The following ADGRG6 variants were observed in gnomAD, a reference collection of about 807,000 sequenced individuals.
ADGRG6 encodes G-protein coupled receptor 126.
A neutral mutation model predicts 142.4 loss-of-function variants in ADGRG6; 84 were observed. The ratio of observed to expected loss-of-function variants is 0.59; its 90% CI spans 0.49 to 0.71. ADGRG6 has a LOEUF of 0.71. ADGRG6 is among the 30% of genes least tolerant of loss of function. ADGRG6 has a pLI of 0.00. For missense variants in ADGRG6, 1,367 were observed against 1,466.6 expected (o/e 0.93, Z 1.11); for synonymous variants, 521 against 520.5 (o/e 1.00, Z -0.01).
chr6:142,397,535 C>A, intron 9 of ADGRG6, 78 bp from the exon 10 acceptor site: 1 of 1,368,158 alleles, frequency 7.3e-7, no homozygotes, highest in Non-Finnish European at 1.0e-6. Flanking sequence ...CCTCTACATC[C>A]AAATACTCTG....
chr6:142,443,039 T>A (rs987059680), intron 24 of ADGRG6, among the ~76,000 whole-genome samples: 9 of 152,190 alleles, frequency 5.9e-5, no homozygotes, highest in African/African-American at 2.2e-4. Flanking sequence ...TGCATGTTTT[T>A]TTGAAGTGGT....
At chr6:142,353,666 TTAA>T (rs1232111811) in intron 2 of ADGRG6, among the ~76,000 whole-genome samples, 1 of 152,192 alleles carries the variant, frequency 6.6e-6, no homozygotes, top group Non-Finnish European at 1.5e-5. Flanking sequence ...TTGATCTAAC[TTAA>T]TGAGATTTCA....
At chr6:142,391,422 G>C (rs1774890003) in intron 7 of ADGRG6, among the ~76,000 whole-genome samples, 1 of 145,654 alleles carries the variant, frequency 6.9e-6, no homozygotes, top group Non-Finnish European at 1.5e-5. Flanking sequence ...CGCATTGAGA[G>C]GAAGTGGTAG....
chr6:142,407,023 C>T (rs989847704), intron 15 of ADGRG6, among the ~76,000 whole-genome samples: 6 of 151,900 alleles, frequency 3.9e-5, no homozygotes, highest in African/African-American at 1.5e-4. Flanking sequence ...TGGTATTTCT[C>T]TACCAAAGTT....
At chr6:142,434,172 TAATA>T (rs200595547) in intron 22 of ADGRG6, among the ~76,000 whole-genome samples, 14 of 150,526 alleles carry the variant, frequency 9.3e-5, no homozygotes, top group East Asian at 3.9e-4. Flanking sequence ...ATAAATTATA[TAATA>T]AATAAAATCA....
At chr6:142,345,027 C>G (rs1779824249) in intron 2 of ADGRG6, among the ~76,000 whole-genome samples, 1 of 151,894 alleles carries the variant, frequency 6.6e-6, no homozygotes, top group Non-Finnish European at 1.5e-5. Flanking sequence ...CCAACCAGCC[C>G]AATAAAGGTC....
At chr6:142,334,581 T>C (rs1779221479) in intron 2 of ADGRG6, among the ~76,000 whole-genome samples, 1 of 152,186 alleles carries the variant, frequency 6.6e-6, no homozygotes, top group Non-Finnish European at 1.5e-5. Context: ...AACAGTGGAA[T>C]GGCTTTTTCC....
At chr6:142,334,130 G>A (rs965241267) in intron 2 of ADGRG6, among the ~76,000 whole-genome samples, 1 of 152,104 alleles carries the variant, frequency 6.6e-6, no homozygotes, top group African/African-American at 2.4e-5. Context: ...CCCAAGATAT[G>A]AATGTTCAAC....
Position 142,443,574 on chromosome 6 carries a change from C to A in ADGRG6, c.*59C>A. The A allele has an allele frequency of 1.8e-6, 2 of 1,130,982 alleles. No homozygotes were observed. Among genetic ancestry groups the A allele is most frequent in the Non-Finnish European group, 2.6e-6 (2 of 771,144 alleles). The allele number at this position is 1,130,982 out of a possible 1,614,324, so 70.1% of individuals were successfully genotyped here. Reference sequence around the variant, plus strand: ...TGTGAAGATTTGCAAGCAGTGTAAACTGCAACTAGTGATGTAAATGTGCTA... The same window carrying A: ...TGTGAAGATTTGCAAGCAGTGTAAAATGCAACTAGTGATGTAAATGTGCTA... On this transcript the variant is annotated 3_prime_UTR_variant, in exon 25 of 25. Transcript: ENST00000367609.
At chr6:142,338,013 C>CTTTTTTTT (rs1779405902) in intron 2 of ADGRG6, among the ~76,000 whole-genome samples, 9 of 26,040 alleles carry the variant, frequency 3.5e-4, no homozygotes, top group Non-Finnish European at 4.8e-4. Context: ...TGCCTTGTAT[C>CTTTTTTTT]TTTGTTTTTT....
At chr6:142,401,189 C>T (rs765003793) in intron 11 of ADGRG6, among the ~76,000 whole-genome samples, 13 of 152,124 alleles carry the variant, frequency 8.5e-5, no homozygotes, top group Admixed American at 2.0e-4. Context: ...AGCATAAATA[C>T]TTTGCATACT....
intron 2 of ADGRG6, among the ~76,000 whole-genome samples, chr6:142,313,760 T>A (rs750931033): frequency 6.6e-6 from 1 of 152,154 alleles, no homozygotes; most frequent in South Asian, 2.1e-4. Context: ...ATTTTTCTTA[T>A]GATCATAACA....
intron 2 of ADGRG6, among the ~76,000 whole-genome samples, chr6:142,317,479 C>T (rs1778142517): frequency 6.6e-6 from 1 of 151,096 alleles, no homozygotes; most frequent in Admixed American, 6.7e-5. Context: ...AATCAGAGTC[C>T]CCTCATTTCC....
At chr6:142,443,250 A>C in intron 24 of ADGRG6, 87 bp from the exon 25 acceptor site, 5 of 722,292 alleles carry the variant, frequency 6.9e-6, no homozygotes. Context: ...TTCTTCTTTA[A>C]TGTGCAAAAC....
At chr6:142,400,198 A>T (rs542643513) in intron 10 of ADGRG6, among the ~76,000 whole-genome samples, 3 of 152,236 alleles carry the variant, frequency 2.0e-5, no homozygotes, top group Admixed American at 6.5e-5. Context: ...GCTAATGATT[A>T]GAATGATAAT....
chr6:142,313,136 A>T (rs1486205940), intron 2 of ADGRG6, among the ~76,000 whole-genome samples: 1 of 152,024 alleles, frequency 6.6e-6, no homozygotes, highest in African/African-American at 2.4e-5. Flanking sequence ...ACGATCAGGT[A>T]TTACTTTACT....
intron 2 of ADGRG6, among the ~76,000 whole-genome samples, chr6:142,310,411 C>T (rs893955782): frequency 6.6e-6 from 1 of 151,308 alleles, no homozygotes; most frequent in Non-Finnish European, 1.5e-5. Context: ...ATGTATTAGG[C>T]TTATTATGTT....
intron 2 of ADGRG6, among the ~76,000 whole-genome samples, chr6:142,359,066 G>T (rs1360099010): frequency 6.6e-6 from 1 of 151,428 alleles, no homozygotes; most frequent in Non-Finnish European, 1.5e-5. Flanking sequence ...AAATATCTGG[G>T]CATGGTGGTG....
At chr6:142,378,581 C>T (rs1228572328) in intron 4 of ADGRG6, among the ~76,000 whole-genome samples, 1 of 152,202 alleles carries the variant, frequency 6.6e-6, no homozygotes, top group Admixed American at 6.5e-5. Flanking sequence ...CCTGCCTTAA[C>T]TTCTGCCTCT....
Sources: gnomAD v4.1 joint callset for allele counts (sites outside exome capture counted in the v4.1 genomes callset) on GRCh38, gnomAD v4.1.1 for gene constraint, MANE v1.5 for transcripts, NCBI Gene and HGNC (gene_info 2026-07-23, HGNC 2026-07-21) for gene names.